Variants in GSN observed in about 807,000 individuals in gnomAD.
GSN encodes the protein actin-depolymerizing factor.
GSN carries 56 observed loss-of-function variants against 85.7 expected under a neutral mutation model. The observed-to-expected ratio is 0.65, with a 90% CI of 0.53 to 0.82. The LOEUF (loss-of-function observed/expected upper bound fraction) is 0.82, where lower values mean the gene tolerates loss of function less well. GSN is among the 40% of genes least tolerant of loss of function. GSN has a pLI of 0.00. For missense variants in GSN, 857 were observed against 979.8 expected (o/e 0.87, Z 1.67); for synonymous variants, 373 against 399.1 (o/e 0.93, Z 0.78).
Position 121,313,951 on chromosome 9 carries a change from G to GGCT in GSN, c.682_684dup (p.Ala228dup). ...TCCTACAGGTGCTGGGCCCCAAGCC[G>GGCT]GCTCTGCCTGCAGGTACCGAGGACA... On this transcript the variant is annotated inframe_insertion, in exon 7 of 18. Coordinates refer to ENST00000432226, the MANE Select transcript of GSN (RefSeq NM_198252.3). 6.2e-7 allele frequency: 1 copy of GGCT among 1,614,084 alleles called. No individual in the cohort carries two copies. The highest frequency in any genetic ancestry group is 8.5e-7 in the Non-Finnish European group (1 of 1,179,894).
intron 4 of GSN, among the ~76,000 whole-genome samples, chr9:121,216,879 C>A (rs896798340): frequency 2.0e-5 from 3 of 152,184 alleles, no homozygotes; most frequent in African/African-American, 7.2e-5. Context: ...CCAAGCGTTG[C>A]ATTCTTCTGA....
intron 4 of GSN, 31 bp downstream of exon 4, chr9:121,303,096 A>G: frequency 6.2e-7 from 1 of 1,607,326 alleles, no homozygotes; most frequent in Non-Finnish European, 8.5e-7. Context: ...CTTGAGCGGT[A>G]GGGACAGATG....
intron 4 of GSN, among the ~76,000 whole-genome samples, chr9:121,307,841 C>T (rs923467829): frequency 1.3e-5 from 2 of 152,208 alleles, no homozygotes; most frequent in African/African-American, 4.8e-5. Flanking sequence ...CAGAACCCTC[C>T]TGTCTTTCTG....
At chr9:121,245,221 T>G (rs2054676522) in intron 5 of GSN, among the ~76,000 whole-genome samples, 1 of 152,218 alleles carries the variant, frequency 6.6e-6, no homozygotes, top group Non-Finnish European at 1.5e-5. Context: ...ATAATTATGT[T>G]GATGTCCTTA....
chr9:121,228,766 T>G (rs1230956732), intron 4 of GSN, among the ~76,000 whole-genome samples: 1 of 152,060 alleles, frequency 6.6e-6, no homozygotes, highest in Non-Finnish European at 1.5e-5. Flanking sequence ...AACAGACAAG[T>G]TGAAAGAACA....
intron 2 of GSN, chr9:121,300,240 C>A: frequency 1.3e-6 from 1 of 742,520 alleles, no homozygotes; most frequent in Admixed American, 1.8e-5. Flanking sequence ...ATTTCTTTTC[C>A]CCTGTCCTCC....
At chr9:121,290,263 G>A (rs971232982) in intron 2 of GSN, among the ~76,000 whole-genome samples, 8 of 152,180 alleles carry the variant, frequency 5.3e-5, no homozygotes, top group East Asian at 1.9e-4. Context: ...GCACCCACAC[G>A]GGAGCCCAGC....
chr9:121,295,518 G>A (rs915562625), intron 2 of GSN, among the ~76,000 whole-genome samples: 4 of 152,240 alleles, frequency 2.6e-5, no homozygotes, highest in African/African-American at 7.2e-5. Flanking sequence ...ACAGGGTGGT[G>A]TCTTCCAGGC....
chr9:121,322,928 C>T (rs1332095578), intron 11 of GSN, among the ~76,000 whole-genome samples: 3 of 150,858 alleles, frequency 2.0e-5, no homozygotes, highest in African/African-American at 7.3e-5. Flanking sequence ...CCCCCCGGGG[C>T]TCAAGCAATT....
rs1170622927 is a variant in GSN, at chr9:121,327,441, T to C, written c.1721T>C (p.Leu574Pro). 6.2e-7 allele frequency: 1 copy of C among 1,600,852 alleles called. No homozygotes were observed. The highest frequency in any genetic ancestry group is 1.7e-5 in the Admixed American group (1 of 57,964). Residue 574 changes from leucine to proline, a missense_variant, in exon 14 of 18, where the codon CTG becomes CCG. Coordinates refer to ENST00000432226, the MANE Select transcript of GSN (RefSeq NM_198252.3). Reference protein sequence around the residue: ...KTGAQELLRVLRAQPVQVAEG... With the variant: ...KTGAQELLRVPRAQPVQVAEG... ...GGGGCCCAGGAGCTGCTCAGGGTGCTGCGGGCCCAACCTGTGCAGGTGGCA... is the reference window on the plus strand; with the variant it reads ...GGGGCCCAGGAGCTGCTCAGGGTGCCGCGGGCCCAACCTGTGCAGGTGGCA...
upstream of GSN, among the ~76,000 whole-genome samples, chr9:121,203,885 G>A (rs2053842984): frequency 6.6e-6 from 1 of 152,196 alleles, no homozygotes; most frequent in Admixed American, 6.5e-5. Flanking sequence ...AGGTGATATT[G>A]AAATCCTTTT....
intron 1 of GSN, chr9:121,279,848 A>C (rs1401727444): frequency 6.6e-6 from 1 of 152,114 alleles, no homozygotes; most frequent in African/African-American, 2.4e-5. Flanking sequence ...ACAGAACCCA[A>C]CTCTGCTTTG....
At chr9:121,249,217 G>A (rs1013117833) in intron 6 of GSN, among the ~76,000 whole-genome samples, 4 of 152,158 alleles carry the variant, frequency 2.6e-5, no homozygotes, top group Non-Finnish European at 5.9e-5. Flanking sequence ...CCAGCACTCT[G>A]GGAGGGTGAG....
chr9:121,249,295 CAAA>C (rs1049728214), intron 6 of GSN, among the ~76,000 whole-genome samples: 1 of 144,686 alleles, frequency 6.9e-6, no homozygotes, highest in Non-Finnish European at 1.5e-5. Flanking sequence ...CTGGTCTGTA[CAAA>C]AAAAAAAATT....
At chr9:121,240,891 G>GTGGGGAAA (rs1245082333) in intron 5 of GSN, among the ~76,000 whole-genome samples, 1 of 152,224 alleles carries the variant, frequency 6.6e-6, no homozygotes, top group African/African-American at 2.4e-5. Flanking sequence ...ACGCAGAGTT[G>GTGGGGAAA]TGGGGAAATG....
In GSN at chr9:121,318,725, C is replaced by G; in HGVS notation, c.1036C>G (p.Arg346Gly). Residue 346 changes from arginine (R) to glycine (G), a missense_variant, in exon 10 of 18, where the codon CGG (arginine) becomes GGG (glycine). By Grantham distance (125) the Arg-to-Gly change is moderately radical. Transcript: ENST00000432226. The surrounding 1 kb of genome is among the most constrained non-coding windows in gnomAD (Gnocchi z 4.3). Reference sequence around the variant, plus strand: ...GTTCAAGCAGTTCTTCAAGAACTGGCGGGACCCAGACCAGACAGATGGCCT... The same window carrying G: ...GTTCAAGCAGTTCTTCAAGAACTGGGGGGACCCAGACCAGACAGATGGCCT... ...PLFKQFFKNW[R>G]DPDQTDGLGL... 6.2e-7 allele frequency: 1 copy of G among 1,613,824 alleles called. No homozygotes were observed. The highest frequency in any genetic ancestry group is 1.3e-5 in the African/African-American group (1 of 75,058).
intron 2 of GSN, among the ~76,000 whole-genome samples, chr9:121,287,122 T>G (rs2058197514): frequency 1.3e-5 from 2 of 152,138 alleles, no homozygotes; most frequent in Admixed American, 6.5e-5. Context: ...CTTGGCCCCC[T>G]GGGCCTATTC....
At chr9:121,214,426 A>G (rs572270337) in intron 4 of GSN, among the ~76,000 whole-genome samples, 1 of 152,274 alleles carries the variant, frequency 6.6e-6, no homozygotes, top group East Asian at 1.9e-4. Flanking sequence ...TTGTCTATAA[A>G]GTGGAGAATT....
At chr9:121,232,822 CT>C (rs1353885491) in intron 5 of GSN, among the ~76,000 whole-genome samples, 1 of 152,186 alleles carries the variant, frequency 6.6e-6, no homozygotes, top group Non-Finnish European at 1.5e-5. Context: ...CTCATGGGTA[CT>C]TCCTTTCAAG....
Sources: allele counts gnomAD v4.1 joint callset (sites outside exome capture counted in the v4.1 genomes callset), GRCh38; gene constraint gnomAD v4.1.1; non-coding constraint Gnocchi (gnomAD v3.1); transcripts MANE v1.5; gene names NCBI Gene and HGNC (gene_info 2026-07-23, HGNC 2026-07-21).